GRID1: variants seen among roughly 807,000 people sequenced by gnomAD.
GRID1 encodes glutamate ionotropic receptor delta type subunit 1.
A neutral mutation model predicts 98.0 loss-of-function variants in GRID1; 28 were observed. The observed-to-expected ratio is 0.29, with a 90% CI of 0.21 to 0.39. The LOEUF (loss-of-function observed/expected upper bound fraction) is 0.39. Among genes scored for constraint, GRID1 ranks in the 10% least tolerant of loss-of-function variants. The probability of loss-of-function intolerance (pLI) is 1.00; values close to 1 mark genes in which losing one functional copy is unlikely to be tolerated. For missense variants in GRID1, 1,111 were observed against 1,340.5 expected (o/e 0.83, Z 2.67); for synonymous variants, 553 against 538.5 (o/e 1.03, Z -0.37).
chr10:86,314,941 G>GC (rs1847878265), intron 2 of GRID1, among the ~76,000 whole-genome samples: 1 of 152,054 alleles, frequency 6.6e-6, no homozygotes. Flanking sequence ...CCTCCCTGAA[G>GC]CCCTCCCCTG....
At chr10:86,273,145 G>A (rs1847211171) in intron 2 of GRID1, among the ~76,000 whole-genome samples, 1 of 150,580 alleles carries the variant, frequency 6.6e-6, no homozygotes, top group African/African-American at 2.4e-5. Context: ...TCCCACCTAT[G>A]AGTGAGAACA....
At chr10:86,161,940 T>G (rs1205444135) in intron 3 of GRID1, among the ~76,000 whole-genome samples, 1 of 152,196 alleles carries the variant, frequency 6.6e-6, no homozygotes, top group African/African-American at 2.4e-5. Context: ...AAGTGTGTTG[T>G]ATTTTGTACA....
rs191317877 is a variant in GRID1, at chr10:85,999,423, T to A, written c.727-83184A>T. On this transcript the variant is annotated intron_variant, in intron 4 of 15. Transcript: ENST00000327946. The stretch of plus-strand genomic sequence containing the variant: ...AACAGCACCAATTCTGCATAATCTC[T>A]TCCAGAAATAGAAGAGAGAGGTACA... Among the ~76,000 whole-genome samples, 116 of 152,252 alleles carry A rather than the reference T, an allele frequency of 7.6e-4. 2 individuals are homozygous for A. The highest frequency in any genetic ancestry group is 3.8e-3 in the Admixed American group (58 of 15,288).
At chr10:85,855,495 A>G (rs1843100973) in intron 7 of GRID1, among the ~76,000 whole-genome samples, 1 of 152,214 alleles carries the variant, frequency 6.6e-6, no homozygotes, top group Non-Finnish European at 1.5e-5. Context: ...TACTGAAACC[A>G]CATGCAATTC....
At chr10:86,090,321 G>A (rs1844127180) in intron 4 of GRID1, among the ~76,000 whole-genome samples, 1 of 151,962 alleles carries the variant, frequency 6.6e-6, no homozygotes, top group Admixed American at 6.5e-5. Context: ...AGCTACTTGG[G>A]AGAACTTCTT....
chr10:85,857,159 G>A (rs1843119862), intron 6 of GRID1, among the ~76,000 whole-genome samples: 1 of 152,186 alleles, frequency 6.6e-6, no homozygotes, highest in African/African-American at 2.4e-5. Flanking sequence ...GCCACCCAGG[G>A]AACACATTTG....
intron 8 of GRID1, among the ~76,000 whole-genome samples, chr10:85,751,600 G>A (rs1842046063): frequency 6.6e-6 from 1 of 152,038 alleles, no homozygotes. Flanking sequence ...TGGCTTTTGA[G>A]GGCCCGTATA....
chr10:85,866,303 CA>C (rs201164587), intron 6 of GRID1, among the ~76,000 whole-genome samples: 6,189 of 65,394 alleles, frequency 0.095, 126 homozygotes, highest in Middle Eastern at 0.12. Flanking sequence ...TAAATCACAC[CA>C]AAAAAAAAAA....
At chr10:85,923,044 T>C (rs1589300040) in intron 4 of GRID1, among the ~76,000 whole-genome samples, 1 of 152,132 alleles carries the variant, frequency 6.6e-6, no homozygotes, top group Non-Finnish European at 1.5e-5. Flanking sequence ...TCTGGCTCCA[T>C]CCTTATTCTT....
chr10:86,038,149 A>G (rs536335475), intron 4 of GRID1, among the ~76,000 whole-genome samples: 1 of 152,330 alleles, frequency 6.6e-6, no homozygotes, highest in South Asian at 2.1e-4. Context: ...TTGAACTCCT[A>G]GCCTCCAGAA....
intron 6 of GRID1, among the ~76,000 whole-genome samples, chr10:85,860,987 T>C (rs1452985665): frequency 2.6e-5 from 4 of 152,154 alleles, no homozygotes; most frequent in Admixed American, 6.5e-5. Context: ...TTTGCATGCA[T>C]CTTCATCTTT....
At chr10:86,293,044 C>A (rs2607851) in intron 2 of GRID1, among the ~76,000 whole-genome samples, 6,308 of 152,246 alleles carry the variant, frequency 0.041, 236 homozygotes, top group Admixed American at 0.11. Context: ...GTCTCTCACT[C>A]CTGAGCCTGG....
intron 4 of GRID1, among the ~76,000 whole-genome samples, chr10:86,053,901 C>T (rs1055516213): frequency 3.3e-5 from 5 of 152,212 alleles, no homozygotes; most frequent in Non-Finnish European, 7.3e-5. Context: ...TGCACACACA[C>T]GTTTACACAC....
chr10:86,015,329 C>T (rs1470002563), intron 4 of GRID1, among the ~76,000 whole-genome samples: 1 of 152,216 alleles, frequency 6.6e-6, no homozygotes, highest in Admixed American at 6.5e-5. Context: ...CACCAAACTC[C>T]CTTTCAGTTG....
chr10:86,313,945 T>G (rs1484049368), intron 2 of GRID1, among the ~76,000 whole-genome samples: 1 of 152,184 alleles, frequency 6.6e-6, no homozygotes, highest in Non-Finnish European at 1.5e-5. Context: ...TCTCATAAAT[T>G]AATTCCCTCC....
Position 85,820,952 on chromosome 10 carries a change from A to G in GRID1, c.1233+33544T>C, listed in dbSNP as rs539043622. On this transcript the variant is annotated intron_variant, in intron 8 of 15. Transcript: ENST00000327946. ...AATATAAATATATATCCACATGAAG[A>G]CATTTTTTACACAAATGCTTGTATC... Among the ~76,000 whole-genome samples, 27 of 152,328 alleles carry G rather than the reference A, an allele frequency of 1.8e-4. No individual in the cohort carries two copies. In the South Asian group the frequency reaches 5.6e-3, roughly 32 times the overall value.
chr10:85,895,493 C>CCTT (rs1412021602), intron 5 of GRID1, among the ~76,000 whole-genome samples: 1 of 152,154 alleles, frequency 6.6e-6, no homozygotes, highest in Non-Finnish European at 1.5e-5. Flanking sequence ...TCACCTTGGA[C>CCTT]TCTAAGCCAC....
At chr10:85,907,180 C>T (rs1002991572) in intron 5 of GRID1, among the ~76,000 whole-genome samples, 1 of 152,162 alleles carries the variant, frequency 6.6e-6, no homozygotes, top group Non-Finnish European at 1.5e-5. Flanking sequence ...GGCACAATCT[C>T]GGCTCACTGC....
At chr10:86,305,356 G>C (rs1015617921) in intron 2 of GRID1, among the ~76,000 whole-genome samples, 1 of 152,198 alleles carries the variant, frequency 6.6e-6, no homozygotes, top group Non-Finnish European at 1.5e-5. Flanking sequence ...GCTCTGAGAT[G>C]TGTCCCATAA....
Sources: allele counts gnomAD v4.1 joint callset (sites outside exome capture counted in the v4.1 genomes callset), GRCh38; gene constraint gnomAD v4.1.1; transcripts MANE v1.5; gene names NCBI Gene and HGNC (gene_info 2026-07-23, HGNC 2026-07-21).